Variants in LRRC37A3 observed in about 807,000 individuals in gnomAD.
LRRC37A3 encodes the protein leucine-rich repeat-containing protein 37A3.
Under a neutral mutation model 106.2 loss-of-function variants are expected in LRRC37A3, and 25 were observed. The ratio of observed to expected loss-of-function variants is 0.24; its 90% confidence interval spans 0.17 to 0.33. The LOEUF is 0.33. Among genes scored for constraint, LRRC37A3 ranks in the 10% least tolerant of loss-of-function variants. LRRC37A3 has a pLI of 1.00. For synonymous variants in LRRC37A3, 305 were observed against 635.8 expected, an observed-to-expected ratio of 0.48 and a Z score of 7.83; for missense variants, 712 against 1,644.9, an observed-to-expected ratio of 0.43 and a Z score of 9.81.
intron 2 of LRRC37A3, chr17:64,900,174 TACAGGTGCCCACC>T (rs1222263760): frequency 1.3e-5 from 2 of 151,364 alleles, no homozygotes; most frequent in Non-Finnish European, 2.9e-5. Flanking sequence ...TAGCTGGGAT[TACAGGTGCCCACC>T]ACCACACCCA....
At chr17:64,857,358 G>A (rs1043992743) in intron 13 of LRRC37A3, among the ~76,000 whole-genome samples, 4 of 152,164 alleles carry the variant, frequency 2.6e-5, no homozygotes, top group African/African-American at 9.7e-5. Flanking sequence ...AAACACTAAA[G>A]CTCTTCTGAA....
intron 14 of LRRC37A3, among the ~76,000 whole-genome samples, chr17:64,855,622 T>A (rs1972649892): frequency 6.6e-6 from 1 of 151,196 alleles, no homozygotes; most frequent in Non-Finnish European, 1.5e-5. Context: ...TTCTAAGCCC[T>A]CCTCTAATTC....
intron 2 of LRRC37A3, among the ~76,000 whole-genome samples, chr17:64,908,823 G>C (rs1195307421): frequency 1.4e-5 from 2 of 144,608 alleles, no homozygotes; most frequent in East Asian, 3.9e-4. Context: ...AGCTACTTAA[G>C]AGGCTGAGGC....
At chr17:64,861,844 G>A (rs1480678938) in intron 11 of LRRC37A3, among the ~76,000 whole-genome samples, 1 of 152,146 alleles carries the variant, frequency 6.6e-6, no homozygotes, top group African/African-American at 2.4e-5. Context: ...ACTGCATGAA[G>A]GTCAGGTGTG....
intron 2 of LRRC37A3, among the ~76,000 whole-genome samples, chr17:64,913,256 C>T (rs866928571): frequency 1.3e-5 from 2 of 151,342 alleles, no homozygotes; most frequent in African/African-American, 2.4e-5. Context: ...CTCGAACTCC[C>T]GACCTCAGGT....
At chr17:64,872,095 G>A (rs1316606093) in intron 8 of LRRC37A3, among the ~76,000 whole-genome samples, 2 of 133,842 alleles carry the variant, frequency 1.5e-5, no homozygotes, top group Non-Finnish European at 1.5e-5. Flanking sequence ...TTATGCCACT[G>A]CACTCCAGCC....
chr17:64,854,546 T>A lies in LRRC37A3; in HGVS notation c.*53A>T. ...TTCAGTCCTGCTTTTTTGATGGCCG[T>A]TGTTTACGCTATGTATTTTTGCAGG... On this transcript the variant is annotated 3_prime_UTR_variant, in exon 15 of 15. Transcript: ENST00000584306. 5.0e-6 allele frequency: 8 copies of A among 1,613,178 alleles called. No individual in the cohort carries two copies. The highest frequency in any genetic ancestry group is 6.8e-6 in the Non-Finnish European group (8 of 1,179,290).
chr17:64,862,101 T>C (rs1972896361), intron 11 of LRRC37A3, among the ~76,000 whole-genome samples: 2 of 148,886 alleles, frequency 1.3e-5, no homozygotes, highest in African/African-American at 4.9e-5. Flanking sequence ...AATAACATAA[T>C]TGGTAAAAAA....
chr17:64,919,419 C>A lies in LRRC37A3; in HGVS notation c.-617+12G>T, dbSNP rs1403006792. ...GAGGGAGAAGGCTCAATCCGAATGG[C>A]TGGGGCCTCACTGCGGATCGCCTTC... is the stretch of plus-strand genomic sequence containing the variant. On this transcript the variant is annotated intron_variant, in intron 1 of 14. Transcript: ENST00000584306. The A allele has an allele frequency of 2.1e-6, 1 of 467,466 alleles. No individual in the cohort carries two copies. The highest frequency in any genetic ancestry group is 3.8e-6 in the Non-Finnish European group (1 of 263,536). 29.0% of individuals were successfully genotyped at this position (467,466 alleles called of 1,614,324 possible).
At chr17:64,875,790 A>G (rs1973490272) in intron 8 of LRRC37A3, among the ~76,000 whole-genome samples, 1 of 152,010 alleles carries the variant, frequency 6.6e-6, no homozygotes, top group Non-Finnish European at 1.5e-5. Context: ...CTCTGTCCCA[A>G]AATGAAGAAA....
chr17:64,866,397 C>T (rs1358838598), intron 10 of LRRC37A3, among the ~76,000 whole-genome samples: 1 of 151,044 alleles, frequency 6.6e-6, no homozygotes, highest in African/African-American at 2.4e-5. Flanking sequence ...AGGGCCCTTT[C>T]CATGCTAATC....
intron 2 of LRRC37A3, among the ~76,000 whole-genome samples, chr17:64,903,542 A>C (rs2143597600): frequency 7.9e-6 from 1 of 127,228 alleles, no homozygotes; most frequent in East Asian, 2.6e-4. Flanking sequence ...GAACTGCTTG[A>C]ACCTGGGAGG....
intron 10 of LRRC37A3, among the ~76,000 whole-genome samples, chr17:64,864,944 G>C (rs1215691777): frequency 6.6e-6 from 1 of 152,070 alleles, no homozygotes; most frequent in Admixed American, 6.6e-5. Context: ...ATGAGTTGGG[G>C]GTACAATGTA....
Position 64,854,495 on chromosome 17 carries a change from C to G in LRRC37A3, c.*104G>C, listed in dbSNP as rs1454784075. The G allele has an allele frequency of 5.8e-6, 9 of 1,541,554 alleles. No homozygotes were observed. Among genetic ancestry groups the G allele is most frequent in the Non-Finnish European group, 7.2e-6 (8 of 1,116,628 alleles). ...GGCCCTGTGCTTGCTCTGCCCGCTG[C>G]CTCTGTGGATGTGTGGGCCGCTGGC... On this transcript the variant is annotated 3_prime_UTR_variant, in exon 15 of 15. Transcript: ENST00000584306.
Position 64,862,855 on chromosome 17 carries a change from C to A in LRRC37A3, c.3172+45G>T, listed in dbSNP as rs564092381. On this transcript the variant is annotated intron_variant, in intron 11 of 14. Coordinates refer to ENST00000584306, the MANE Select transcript of LRRC37A3 (RefSeq NM_199340.5). ...TCATTAAAAATAAAAAGTTTAAAAACAAATACTTAATGTAACAATTTATCA... is the reference window on the plus strand; with the variant it reads ...TCATTAAAAATAAAAAGTTTAAAAAAAAATACTTAATGTAACAATTTATCA... 224 of 1,594,818 alleles carry A rather than the reference C, an allele frequency of 1.4e-4. No homozygotes were observed. The African/African-American group carries it at 2.2e-3, about 16-fold the overall frequency.
intron 10 of LRRC37A3, among the ~76,000 whole-genome samples, chr17:64,863,784 A>G (rs944355528): frequency 6.6e-6 from 1 of 152,124 alleles, no homozygotes; most frequent in African/African-American, 2.4e-5. Flanking sequence ...CAACCCACAG[A>G]TTATTTATTA....
At chr17:64,899,517 T>C (rs1974243910) in intron 2 of LRRC37A3, among the ~76,000 whole-genome samples, 3 of 143,606 alleles carry the variant, frequency 2.1e-5, no homozygotes. Flanking sequence ...TGGTCTACTG[T>C]TGACGCAAAC....
chr17:64,859,748 G>C lies in LRRC37A3; in HGVS notation c.4398C>G (p.Leu1466=), dbSNP rs1972805172. Residue 1466 remains leucine, a synonymous_variant, in exon 12 of 15, where the codon CTC becomes CTG. Transcript: ENST00000584306. Reference sequence around the variant, plus strand: ...TTTCAAACTGATCACCTGGGGACGAGAGCAATGGGTAATTGAAGCTTTTGG... The same window carrying C: ...TTTCAAACTGATCACCTGGGGACGACAGCAATGGGTAATTGAAGCTTTTGG... ...PEPKSFNYPL[L]SSPGDQFEIQ... is the part of the protein sequence containing the mutation. The C allele has an allele frequency of 1.9e-6, 3 of 1,613,216 alleles. No individual in the cohort carries two copies. The highest frequency in any genetic ancestry group is 2.5e-6 in the Non-Finnish European group (3 of 1,180,018).
At position 64,860,572 on chromosome 17, in the gene LRRC37A3, C is replaced by A. The variant is rs369581909; in HGVS notation, c.3574G>T (p.Gly1192Cys). The change falls in exon 12 of 15, where the codon GGT (glycine) becomes TGT (cysteine). Residue 1192 changes from glycine to cysteine, a missense_variant. Coordinates refer to ENST00000584306, the MANE Select transcript of LRRC37A3 (RefSeq NM_199340.5). ...VGRQSIRREQ[G>C]AQASVENTAE... ...GTGTTCTCCACAGATGCCTGGGCAC[C>A]CTGTTCCCTCCTGATGCTCTGCCTT... The A allele has an allele frequency of 6.2e-7, 1 of 1,613,386 alleles. No homozygotes were observed. The highest frequency in any genetic ancestry group is 2.2e-5 in the East Asian group (1 of 44,882).
Sources: allele counts gnomAD v4.1 joint callset (sites outside exome capture counted in the v4.1 genomes callset), GRCh38; gene constraint gnomAD v4.1.1; transcripts MANE v1.5; gene names NCBI Gene and HGNC (gene_info 2026-07-23, HGNC 2026-07-21).